Variants in PCDHGB7 observed in about 807,000 individuals in gnomAD.
PCDHGB7 encodes protocadherin gamma-B7.
PCDHGB7 carries 37 observed loss-of-function variants against 61.4 expected under a neutral mutation model. The ratio of observed to expected loss-of-function variants is 0.60; its 90% confidence interval spans 0.46 to 0.79. The LOEUF is 0.79. Ranked by LOEUF, PCDHGB7 falls within the 30% of genes least tolerant of loss-of-function variation. The pLI, the probability that PCDHGB7 is intolerant of heterozygous loss-of-function variation, is 0.00. For synonymous variants in PCDHGB7, 464 were observed against 503.5 expected (o/e 0.92, Z 1.05); for missense variants, 1,166 against 1,202.5 (o/e 0.97, Z 0.45).
chr5:141,507,619 G>T (rs1237918589), intron 3 of PCDHGB7, among the ~76,000 whole-genome samples: 22 of 152,256 alleles, frequency 1.4e-4, no homozygotes, highest in Admixed American at 1.4e-3. Context: ...ATATTTAGCT[G>T]TTGTGGCCTT....
intron 1 of PCDHGB7, among the ~76,000 whole-genome samples, chr5:141,457,124 ACT>A (rs1304231701): frequency 6.6e-6 from 1 of 152,158 alleles, no homozygotes; most frequent in Non-Finnish European, 1.5e-5. Context: ...AGCAATGGAA[ACT>A]CTGTCCAATA....
chr5:141,427,881 C>T (rs774499492), intron 1 of PCDHGB7: 6 of 1,563,720 alleles, frequency 3.8e-6, no homozygotes, highest in South Asian at 3.3e-5. Context: ...GATGCAGGCC[C>T]ACGACCAGGG....
In PCDHGB7 at chr5:141,433,056, G is replaced by T. The variant is rs1422450948; in HGVS notation, c.2415+12782G>T. ...TCCCTCACCACGGACTCGCGGAAGA[G>T]TCACCTGATCTTCCCCCAGCCCAAC... On this transcript the variant is annotated intron_variant, in intron 1 of 3. Coordinates refer to ENST00000398594, the MANE Select transcript of PCDHGB7 (RefSeq NM_018927.4). The T allele has an allele frequency of 6.8e-6, 11 of 1,614,086 alleles. No homozygotes were observed. In the South Asian group the frequency reaches 1.1e-4, roughly 16 times the overall value.
At chr5:141,499,061 G>A (rs1300036203) in intron 2 of PCDHGB7, among the ~76,000 whole-genome samples, 1 of 151,914 alleles carries the variant, frequency 6.6e-6, no homozygotes, top group African/African-American at 2.4e-5. Flanking sequence ...AAATGAAGAA[G>A]ACTTACATTC....
At chr5:141,453,989 A>T (rs902043628) in intron 1 of PCDHGB7, among the ~76,000 whole-genome samples, 6 of 152,256 alleles carry the variant, frequency 3.9e-5, no homozygotes, top group African/African-American at 1.4e-4. Context: ...CCTTCCAGTG[A>T]TAAACCCACA....
Position 141,511,285 on chromosome 5 carries a change from G to C in PCDHGB7, c.*112G>C. On this transcript the variant is annotated 3_prime_UTR_variant, in exon 4 of 4. Coordinates refer to ENST00000398594, the MANE Select transcript of PCDHGB7 (RefSeq NM_018927.4). Reference sequence around the variant, plus strand: ...GGGCTAACCCCCAGAATACTGGTAGGGGCCAAGGCCATGCTCCCCTTGGGA... The same window carrying C: ...GGGCTAACCCCCAGAATACTGGTAGCGGCCAAGGCCATGCTCCCCTTGGGA... 1 of 1,521,904 alleles carries C rather than the reference G, an allele frequency of 6.6e-7. No homozygotes were observed. The highest frequency in any genetic ancestry group is 8.8e-7 in the Non-Finnish European group (1 of 1,131,664). 94.3% of individuals were successfully genotyped at this position (1,521,904 alleles called of 1,614,324 possible).
chr5:141,495,470 C>A (rs2099761615), intron 2 of PCDHGB7, among the ~76,000 whole-genome samples: 1 of 152,196 alleles, frequency 6.6e-6, no homozygotes, highest in African/African-American at 2.4e-5. Flanking sequence ...GTGGGGTCTC[C>A]GTGTCTCTGC....
chr5:141,466,401 T>A (rs2099122186), intron 1 of PCDHGB7, among the ~76,000 whole-genome samples: 1 of 152,210 alleles, frequency 6.6e-6, no homozygotes, highest in Non-Finnish European at 1.5e-5. Flanking sequence ...TTTGCTCAAC[T>A]TTAATTTTTC....
At chr5:141,461,394 G>A (rs2099014614) in intron 1 of PCDHGB7, among the ~76,000 whole-genome samples, 1 of 152,098 alleles carries the variant, frequency 6.6e-6, no homozygotes. Flanking sequence ...GATTAGCGAT[G>A]TTGAGCATTT....
At chr5:141,495,499 C>T (rs918858395) in intron 2 of PCDHGB7, among the ~76,000 whole-genome samples, 13 of 152,162 alleles carry the variant, frequency 8.5e-5, no homozygotes, top group African/African-American at 2.9e-4. Context: ...CTTGAGTTTC[C>T]GTCTTTGCCA....
At chr5:141,502,866 C>CTTT (rs549047197) in intron 2 of PCDHGB7, among the ~76,000 whole-genome samples, 3 of 128,046 alleles carry the variant, frequency 2.3e-5, no homozygotes, top group African/African-American at 9.3e-5. Context: ...GACTCTCTGT[C>CTTT]TTTTTTTTTT....
At chr5:141,425,392 A>G (rs2096872216) in intron 1 of PCDHGB7, among the ~76,000 whole-genome samples, 1 of 152,232 alleles carries the variant, frequency 6.6e-6, no homozygotes, top group African/African-American at 2.4e-5. Flanking sequence ...GGTAGTGATA[A>G]AGTTCTGTTA....
At chr5:141,430,853 C>G (rs769009864) in intron 1 of PCDHGB7, 2 of 1,587,214 alleles carry the variant, frequency 1.3e-6, no homozygotes, top group Non-Finnish European at 1.7e-6. Flanking sequence ...CACCCAGATA[C>G]GCTATTCAGT....
In PCDHGB7 at chr5:141,485,423, C is replaced by A; in HGVS notation, c.2416-9384C>A. On this transcript the variant is annotated intron_variant, in intron 1 of 3. Transcript: ENST00000398594. This position sits in a 1 kb window ranked among gnomAD's most constrained non-coding sequence, Gnocchi z 5.7. Reference sequence around the variant, plus strand: ...CCGTGTGGATTTGGACAGCGGAGCCCTGCTCATCAAGAACCCAATCGACCG... The same window carrying A: ...CCGTGTGGATTTGGACAGCGGAGCCATGCTCATCAAGAACCCAATCGACCG... 1 of 1,614,204 alleles carries A rather than the reference C, an allele frequency of 6.2e-7. No homozygotes were observed. The highest frequency in any genetic ancestry group is 8.5e-7 in the Non-Finnish European group (1 of 1,180,036).
In PCDHGB7 at chr5:141,477,406, A is replaced by G. The variant is rs1004061582; in HGVS notation, c.2416-17401A>G. The G allele has an allele frequency of 6.2e-7, 1 of 1,614,154 alleles. No individual in the cohort carries two copies. Among genetic ancestry groups the G allele is most frequent in the Non-Finnish European group, 8.5e-7 (1 of 1,180,040 alleles). The stretch of plus-strand genomic sequence containing the variant: ...AATACAACCTCAGCATCACCGCCCG[A>G]GACGCCGGAACCCCTTCCCTCTCAG... On this transcript the variant is annotated intron_variant, in intron 1 of 3. Transcript: ENST00000398594. The surrounding 1 kb of genome is among the most constrained non-coding windows in gnomAD (Gnocchi z 4.9).
At position 141,477,576 on chromosome 5, in the gene PCDHGB7, C is replaced by A; in HGVS notation, c.2416-17231C>A. The A allele has an allele frequency of 6.2e-7, 1 of 1,614,162 alleles. No homozygotes were observed. The highest frequency in any genetic ancestry group is 8.5e-7 in the Non-Finnish European group (1 of 1,180,026). On this transcript the variant is annotated intron_variant, in intron 1 of 3. Transcript: ENST00000398594. The surrounding 1 kb of genome is among the most constrained non-coding windows in gnomAD (Gnocchi z 4.9). ...CTAAGTGTCTGGGACCCCGACGCCC[C>A]GCAGAATGCTCGGCTTTCTTTCTTT...
At position 141,476,689 on chromosome 5, in the gene PCDHGB7, C is replaced by A; in HGVS notation, c.2416-18118C>A. Reference sequence around the variant, plus strand: ...GCGTGCAGACGCGGGAGGACAGCACCAAGTACGCGGAGCTGGTGTTGGAGC... The same window carrying A: ...GCGTGCAGACGCGGGAGGACAGCACAAAGTACGCGGAGCTGGTGTTGGAGC... On this transcript the variant is annotated intron_variant, in intron 1 of 3. Transcript: ENST00000398594. The surrounding 1 kb of genome is among the most constrained non-coding windows in gnomAD (Gnocchi z 7.6). The A allele has an allele frequency of 1.9e-6, 3 of 1,614,226 alleles. No homozygotes were observed. Among genetic ancestry groups the A allele is most frequent in the Non-Finnish European group, 2.5e-6 (3 of 1,180,046 alleles).
Position 141,505,475 on chromosome 5 carries a change from G to A in PCDHGB7, c.2557G>A (p.Ala853Thr), listed in dbSNP as rs769108315. The A allele has an allele frequency of 2.2e-5, 35 of 1,614,098 alleles. No homozygotes were observed. Among genetic ancestry groups the A allele is most frequent in the South Asian group, 5.5e-5 (5 of 91,090 alleles). ...GCTGCAAGCCATGATCTTGGCGTCC[G>A]CCAGTGGTAAGTGGTGTCAGTGTGT... ...EMLQAMILAS[A>T]SEAADGSSTL... The change falls in exon 3 of 4, where the codon GCC becomes ACC. Residue 853 changes from alanine to threonine, a missense_variant. Physicochemically the swap from Ala to Thr is moderately conservative, Grantham distance 58. Transcript: ENST00000398594.
chr5:141,460,924 A>ATG (rs1333352687), intron 1 of PCDHGB7, among the ~76,000 whole-genome samples: 26 of 150,590 alleles, frequency 1.7e-4, no homozygotes, highest in South Asian at 6.3e-4. Flanking sequence ...ATATATATAT[A>ATG]TGTGTGTGTG....
Sources: allele counts gnomAD v4.1 joint callset (sites outside exome capture counted in the v4.1 genomes callset), GRCh38; gene constraint gnomAD v4.1.1; non-coding constraint Gnocchi (gnomAD v3.1); transcripts MANE v1.5; gene names NCBI Gene and HGNC (gene_info 2026-07-23, HGNC 2026-07-21).